TUSC3: variants seen among roughly 807,000 people sequenced by gnomAD.
The protein encoded by TUSC3 is tumor suppressor candidate 3, also known as dolichyl-diphosphooligosaccharide--protein glycosyltransferase subunit TUSC3.
In TUSC3, 45 loss-of-function variants were observed where a neutral mutation model predicts 44.8. That is an observed-to-expected ratio of 1.00 (90% CI 0.79 to 1.29). The LOEUF (loss-of-function observed/expected upper bound fraction) is 1.29, where lower values mean the gene tolerates loss of function less well. TUSC3 is among the 50% of genes most tolerant of loss of function. The pLI is 0.00. For synonymous variants in TUSC3, 212 were observed against 152.9 expected (o/e 1.39, Z -2.85); for missense variants, 519 against 437.9 (o/e 1.19, Z -1.65).
At chr8:15,471,305 C>T (rs1800490982) in intron 1 of TUSC3, among the ~76,000 whole-genome samples, 1 of 152,004 alleles carries the variant, frequency 6.6e-6, no homozygotes. Flanking sequence ...GTTCTTGTGA[C>T]CAGAAATATG....
chr8:15,496,130 C>T (rs768144808), intron 2 of TUSC3, among the ~76,000 whole-genome samples: 3 of 152,190 alleles, frequency 2.0e-5, no homozygotes, highest in Non-Finnish European at 4.4e-5. Flanking sequence ...GCTCATGCCC[C>T]TCTCAATACC....
In TUSC3 at chr8:15,501,714, G is replaced by T. The variant is rs577963467; in HGVS notation, n.189+18231G>T. ...CTTCCATCTTTCTTCTCCAACAAATGGCAATAGTAATAGTGATAGATAACA... is the reference window on the plus strand; with the variant it reads ...CTTCCATCTTTCTTCTCCAACAAATTGCAATAGTAATAGTGATAGATAACA... On this transcript the variant is annotated intron_variant and non_coding_transcript_variant, in intron 2 of 5. Transcript: ENST00000503191. 2.0e-5 allele frequency among the ~76,000 whole-genome samples: 3 copies of T among 152,202 alleles called. No individual in the cohort carries two copies. The South Asian group carries it at 6.2e-4, about 32-fold the overall frequency.
At chr8:15,623,729 A>G (rs1805357900) in intron 2 of TUSC3, among the ~76,000 whole-genome samples, 1 of 152,144 alleles carries the variant, frequency 6.6e-6, no homozygotes, top group South Asian at 2.1e-4. Flanking sequence ...AACTTTGGAC[A>G]AGTATAAATA....
chr8:15,524,150 GT>G (rs1048021785), intron 2 of TUSC3, among the ~76,000 whole-genome samples: 1 of 151,282 alleles, frequency 6.6e-6, no homozygotes, highest in Non-Finnish European at 1.5e-5. Flanking sequence ...TCCTAATACT[GT>G]TTTTTTGCAT....
At chr8:15,421,549 T>A (rs1387608654) in intron 1 of TUSC3, among the ~76,000 whole-genome samples, 1 of 152,212 alleles carries the variant, frequency 6.6e-6, no homozygotes, top group East Asian at 1.9e-4. Flanking sequence ...CTTATTGCCA[T>A]CTGAAACACT....
chr8:15,813,169 G>A, the TUSC3 span, among the ~76,000 whole-genome samples: 1 of 152,106 alleles, frequency 6.6e-6, no homozygotes, highest in African/African-American at 2.4e-5. Context: ...TATCATTGGG[G>A]ATTTACATTT....
Position 15,748,390 on chromosome 8 carries a change from G to C in TUSC3, c.953G>C (p.Gly318Ala). Residue 318 changes from glycine to alanine, a missense_variant, in exon 9 of 11, where the codon GGA becomes GCA. Transcript: ENST00000503731. Reference protein sequence around the residue: ...VGKRRIICLVGLGLVVFFFSF... With the variant: ...VGKRRIICLVALGLVVFFFSF... The stretch of plus-strand genomic sequence containing the variant: ...CTGTTTCTAGTAATTTGCCTAGTGG[G>C]ATTGGGCCTGGTGGTCTTCTTCTTC... 1 of 1,613,384 alleles carries C rather than the reference G, an allele frequency of 6.2e-7. No individual in the cohort carries two copies. Among genetic ancestry groups the C allele is most frequent in the Non-Finnish European group, 8.5e-7 (1 of 1,179,482 alleles).
At chr8:15,828,358 C>A in the TUSC3 span, among the ~76,000 whole-genome samples, 1 of 152,266 alleles carries the variant, frequency 6.6e-6, no homozygotes, top group African/African-American at 2.4e-5. Context: ...ATATCAACAT[C>A]TGTAGGTGAC....
At chr8:15,597,981 T>C (rs547327449) in intron 1 of TUSC3, among the ~76,000 whole-genome samples, 88 of 152,158 alleles carry the variant, frequency 5.8e-4, no homozygotes, top group African/African-American at 2.0e-3. Context: ...ACAACACTTA[T>C]TCTGTGTCCT....
intron 6 of TUSC3, among the ~76,000 whole-genome samples, chr8:15,717,984 CTA>C (rs1810126981): frequency 2.0e-5 from 3 of 151,922 alleles, no homozygotes; most frequent in South Asian, 2.1e-4. Context: ...AGCCAAGACA[CTA>C]TGTTTTGTAT....
intron 2 of TUSC3, among the ~76,000 whole-genome samples, chr8:15,528,768 A>G (rs906860330): frequency 2.6e-5 from 4 of 152,156 alleles, no homozygotes; most frequent in East Asian, 1.9e-4. Flanking sequence ...AAATAGCTTC[A>G]AACATTTGTC....
intron 9 of TUSC3, among the ~76,000 whole-genome samples, chr8:15,753,167 T>G (rs1016019364): frequency 2.1e-4 from 32 of 152,210 alleles, no homozygotes; most frequent in African/African-American, 6.7e-4. Context: ...TTTCTGAGAT[T>G]TGTTCTTTCT....
rs1053734964 is a variant in TUSC3 at position 15,733,433 on chromosome 8, C to G, written c.862+2704C>G. 4 of 376,802 alleles carry G rather than the reference C, an allele frequency of 1.1e-5. No individual in the cohort carries two copies. The East Asian group carries it at 3.9e-4, about 36-fold the overall frequency. The allele number at this position is 376,802 out of a possible 1,614,324, so 23.3% of individuals were successfully genotyped here. A position where few individuals can be genotyped will look rare whatever the true frequency, so the allele number is the denominator to read the frequency against. On this transcript the variant is annotated intron_variant, in intron 7 of 10. Transcript: ENST00000503731. ...TTTATCTGGATAAAGTGATGACTAT[C>G]GAAACACATCAGGAATACCGAGCTG...
chr8:15,758,684 C>T (rs1812039923), intron 10 of TUSC3, among the ~76,000 whole-genome samples: 2 of 152,012 alleles, frequency 1.3e-5, no homozygotes, highest in Non-Finnish European at 2.9e-5. Flanking sequence ...TCATCTGTCC[C>T]TTAGCCCCTG....
chr8:15,446,827 A>T (rs1405573824), intron 1 of TUSC3, among the ~76,000 whole-genome samples: 1 of 151,580 alleles, frequency 6.6e-6, no homozygotes, highest in Non-Finnish European at 1.5e-5. Flanking sequence ...GCCTCTTTAA[A>T]GGAGAGGCAG....
chr8:15,667,978 G>A lies in TUSC3; in HGVS notation c.708+5682G>A, dbSNP rs1028968211. The stretch of plus-strand genomic sequence containing the variant: ...ATGCCTTGAGCCAATGGTGTTCTCA[G>A]CTCACCACAGGGCTATGGCAACCTC... On this transcript the variant is annotated intron_variant, in intron 5 of 10. Coordinates refer to ENST00000503731, the MANE Select transcript of TUSC3 (RefSeq NM_006765.4). Among the ~76,000 whole-genome samples, 6 of 151,654 alleles carry A rather than the reference G, an allele frequency of 4.0e-5. No individual in the cohort carries two copies. The Admixed American group carries it at 4.0e-4, about 10-fold the overall frequency.
At chr8:15,482,778 T>A (rs184872969) in intron 1 of TUSC3, among the ~76,000 whole-genome samples, 1 of 152,196 alleles carries the variant, frequency 6.6e-6, no homozygotes, top group South Asian at 2.1e-4. Context: ...CAGAAATTCC[T>A]ATGAATGGGA....
intron 4 of TUSC3, among the ~76,000 whole-genome samples, chr8:15,661,526 A>G (rs1380034592): frequency 6.6e-6 from 1 of 151,910 alleles, no homozygotes; most frequent in Non-Finnish European, 1.5e-5. Context: ...TTTTGTTTTA[A>G]TCACCTCTAT....
intron 1 of TUSC3, among the ~76,000 whole-genome samples, chr8:15,447,420 C>T (rs1487304143): frequency 2.6e-5 from 4 of 151,992 alleles, no homozygotes; most frequent in African/African-American, 9.7e-5. Context: ...AGATTAAAGA[C>T]ACAAGTTTAA....
Sources: allele counts gnomAD v4.1 joint callset (sites outside exome capture counted in the v4.1 genomes callset), GRCh38; gene constraint gnomAD v4.1.1; transcripts MANE v1.5; gene names NCBI Gene and HGNC (gene_info 2026-07-23, HGNC 2026-07-21).